Variants in DMD observed in about 807,000 individuals in gnomAD.
DMD encodes the protein mutant dystrophin.
A neutral mutation model predicts 330.1 loss-of-function variants in DMD; 63 were observed. That is an observed-to-expected ratio of 0.19 (90% confidence interval 0.16 to 0.24). The LOEUF (loss-of-function observed/expected upper bound fraction) is 0.24. Ranked by LOEUF, DMD falls within the 10% of genes least tolerant of loss-of-function variation. The probability of loss-of-function intolerance (pLI) is 1.00; values close to 1 mark genes in which losing one functional copy is unlikely to be tolerated. For missense variants in DMD, 3,344 were observed against 2,684.1 expected, an observed-to-expected ratio of 1.25 and a Z score of -5.43; for synonymous variants, 1,223 against 959.8, an observed-to-expected ratio of 1.27 and a Z score of -5.07.
chrX:31,257,839 G>T (rs903168054), intron 63 of DMD, among the ~76,000 whole-genome samples: 1 of 111,920 alleles, frequency 8.9e-6, no homozygotes, highest in Non-Finnish European at 1.9e-5. Context: ...CCAGCTACTC[G>T]GGAGGCTGAA....
chrX:33,012,590 A>G (rs1354078902), intron 2 of DMD, among the ~76,000 whole-genome samples: 2 of 111,640 alleles, frequency 1.8e-5, no homozygotes, highest in Non-Finnish European at 3.8e-5. Flanking sequence ...TGACCTTATA[A>G]TAGTGTAAGG....
chrX:31,285,025 C>T (rs1012025266), intron 62 of DMD, among the ~76,000 whole-genome samples: 1 of 110,896 alleles, frequency 9.0e-6, no homozygotes, highest in Non-Finnish European at 1.9e-5. Flanking sequence ...TGCCAATGTA[C>T]GTAGGAAGCA....
intron 7 of DMD, among the ~76,000 whole-genome samples, chrX:32,781,999 G>GA (rs1475185357): frequency 9.0e-6 from 1 of 111,068 alleles, no homozygotes; most frequent in Non-Finnish European, 1.9e-5. Flanking sequence ...TCCCAGGTAA[G>GA]AAAAAAATTA....
chrX:32,586,382 G>A (rs775369013), intron 13 of DMD, among the ~76,000 whole-genome samples: 1 of 108,430 alleles, frequency 9.2e-6, no homozygotes, highest in Non-Finnish European at 1.9e-5. Flanking sequence ...GAACAGTGTT[G>A]TTCTAGAAGA....
chrX:32,021,248 T>C (rs375965950), intron 44 of DMD, among the ~76,000 whole-genome samples: 19 of 112,154 alleles, frequency 1.7e-4, no homozygotes, highest in African/African-American at 6.1e-4. Context: ...TAAAACATAG[T>C]ATTGAGAGAA....
chrX:32,665,845 G>A (rs1223936796), intron 9 of DMD, among the ~76,000 whole-genome samples: 2 of 111,534 alleles, frequency 1.8e-5, no homozygotes, highest in Non-Finnish European at 3.8e-5. Flanking sequence ...AATCTTTTGG[G>A]GGAATTGACA....
At chrX:31,861,736 TACAC>T (rs753295784) in intron 48 of DMD, among the ~76,000 whole-genome samples, 124 of 76,857 alleles carry the variant, frequency 1.6e-3, no homozygotes, top group Middle Eastern at 7.6e-3. Context: ...AAGAGTGCTA[TACAC>T]ACACACACAC....
intron 16 of DMD, among the ~76,000 whole-genome samples, chrX:32,555,460 G>A (rs771104952): frequency 9.0e-6 from 1 of 111,462 alleles, no homozygotes; most frequent in African/African-American, 3.3e-5. Context: ...GGAAGAGAAA[G>A]AAATAAAGGG....
At chrX:31,202,656 G>A (rs1191375100) in intron 67 of DMD, among the ~76,000 whole-genome samples, 1 of 111,883 alleles carries the variant, frequency 8.9e-6, no homozygotes, top group Non-Finnish European at 1.9e-5. Flanking sequence ...ATATAACCCA[G>A]TTAGTTCTAC....
intron 64 of DMD, among the ~76,000 whole-genome samples, chrX:31,216,304 CTT>C (rs1262821438): frequency 8.9e-6 from 1 of 112,359 alleles, no homozygotes; most frequent in African/African-American, 3.2e-5. Context: ...TCTTTAATCT[CTT>C]TAGCATCTGA....
At chrX:32,610,537 T>C (rs2057086506) in intron 12 of DMD, among the ~76,000 whole-genome samples, 1 of 111,388 alleles carries the variant, frequency 9.0e-6, no homozygotes, top group Non-Finnish European at 1.9e-5. Flanking sequence ...ATATCTGTAA[T>C]ATTCACAGTG....
At chrX:33,167,582 G>C (rs1425355804) in intron 1 of DMD, among the ~76,000 whole-genome samples, 11 of 110,667 alleles carry the variant, frequency 9.9e-5, no homozygotes, top group African/African-American at 3.6e-4. Flanking sequence ...CTACTCAGAA[G>C]AACAAGTATA....
At chrX:31,980,947 T>G (rs967447795) in intron 44 of DMD, among the ~76,000 whole-genome samples, 3 of 111,939 alleles carry the variant, frequency 2.7e-5, no homozygotes, top group Non-Finnish European at 5.6e-5. Flanking sequence ...ATCCAGCAAA[T>G]CTAAGTACTT....
chrX:33,279,116 C>T (rs1224633645), intron 1 of DMD, among the ~76,000 whole-genome samples: 1 of 111,949 alleles, frequency 8.9e-6, no homozygotes, highest in Admixed American at 9.5e-5. Context: ...ACAGAATATA[C>T]ATTCTTCTCA....
intron 7 of DMD, among the ~76,000 whole-genome samples, chrX:32,760,779 A>G (rs374993600): frequency 1.8e-5 from 2 of 112,023 alleles, no homozygotes; most frequent in East Asian, 5.7e-4. Context: ...AATGTCTTTA[A>G]TGCATACCTT....
intron 25 of DMD, among the ~76,000 whole-genome samples, chrX:32,456,602 G>A (rs112745773): frequency 9.8e-6 from 1 of 102,487 alleles, no homozygotes; most frequent in South Asian, 4.4e-4. Context: ...GTGTGTGTGT[G>A]TGTGTGTGTG....
intron 9 of DMD, among the ~76,000 whole-genome samples, chrX:32,689,866 C>A (rs2063145553): frequency 9.1e-6 from 1 of 110,283 alleles, no homozygotes; most frequent in East Asian, 2.8e-4. Context: ...TTAAAAAAAA[C>A]CATTAAACTC....
intron 67 of DMD, among the ~76,000 whole-genome samples, chrX:31,196,988 T>C (rs1227575946): frequency 9.0e-6 from 1 of 111,240 alleles, no homozygotes; most frequent in African/African-American, 3.3e-5. Context: ...AGATGATGTT[T>C]TGTTATAGAT....
intron 25 of DMD, 106 bp downstream of exon 25, chrX:32,463,333 A>C: frequency 1.3e-6 from 1 of 766,914 alleles, no homozygotes; most frequent in Non-Finnish European, 1.8e-6. Context: ...CTTTAAAGCA[A>C]AAACATAGGA....
Sources: gnomAD v4.1 joint callset for allele counts (sites outside exome capture counted in the v4.1 genomes callset) on GRCh38, gnomAD v4.1.1 for gene constraint, MANE v1.5 for transcripts, NCBI Gene and HGNC (gene_info 2026-07-23, HGNC 2026-07-21) for gene names.